The following CCDC88A variants were observed in gnomAD, a reference collection of about 807,000 sequenced individuals.
CCDC88A encodes girdin.
Under a neutral mutation model 234.3 loss-of-function variants are expected in CCDC88A, and 54 were observed. The ratio of observed to expected loss-of-function variants is 0.23; its 90% CI spans 0.19 to 0.29. The LOEUF is 0.29. Ranked by LOEUF, CCDC88A falls within the 10% of genes least tolerant of loss-of-function variation. The probability of loss-of-function intolerance (pLI) is 1.00; values close to 1 mark genes in which losing one functional copy is unlikely to be tolerated. For missense variants in CCDC88A, 1,832 were observed against 2,123.4 expected, an observed-to-expected ratio of 0.86 and a Z score of 2.70; for synonymous variants, 753 against 737.8, an observed-to-expected ratio of 1.02 and a Z score of -0.33.
chr2:55,308,222 A>C (rs1574042923), intron 25 of CCDC88A: 1 of 152,786 alleles, frequency 6.5e-6, no homozygotes, highest in Non-Finnish European at 1.5e-5. Flanking sequence ...GGGGTGTGCC[A>C]CCGTGCCCGC....
At chr2:55,302,909 G>C (rs1327630206) in intron 26 of CCDC88A, 160 bp downstream of exon 26, 4 of 559,306 alleles carry the variant, frequency 7.2e-6, no homozygotes, top group African/African-American at 5.9e-5. Flanking sequence ...CAAATTCAGT[G>C]CCACTTGAAA....
rs1482346432 is a variant in CCDC88A at position 55,295,128 on chromosome 2, G to A, written c.5551+469C>T. 5 of 1,305,654 alleles carry A rather than the reference G, an allele frequency of 3.8e-6. No individual in the cohort carries two copies. In the Admixed American group the frequency reaches 1.1e-4, roughly 30 times the overall value. 80.9% of individuals were successfully genotyped at this position (1,305,654 alleles called of 1,614,324 possible). A position where few individuals can be genotyped will look rare whatever the true frequency, so the allele number is the denominator to read the frequency against. The stretch of plus-strand genomic sequence containing the variant: ...CTCAGAAACCAACAATGCAGCTTCT[G>A]TGTCATCAGGATAGAGGCATGCAGA... On this transcript the variant is annotated intron_variant, in intron 31 of 32. Coordinates refer to ENST00000436346, the MANE Select transcript of CCDC88A (RefSeq NM_001365480.1).
intron 11 of CCDC88A, 175 bp downstream of exon 11, chr2:55,344,193 G>A (rs573460003): frequency 7.3e-6 from 3 of 409,958 alleles, no homozygotes; most frequent in Non-Finnish European, 1.3e-5. Context: ...AACAAAAGCA[G>A]AAATTTCTAC....
At position 55,335,090 on chromosome 2, in the gene CCDC88A, A is replaced by G; in HGVS notation, c.1731T>C (p.Ser577=). ...CAATGTCTTTCACTCTTGCTTCTGC[A>G]CTTATCTGGGACCGCTGCCTTAAGG... ...VSSLRQRSQI[S]AEARVKDIEK... is the part of the protein sequence containing the mutation. Residue 577 remains serine (S), a synonymous_variant, in exon 15 of 33, where the codon AGT becomes AGC. Transcript: ENST00000436346. This position sits in a 1 kb window ranked among gnomAD's most constrained non-coding sequence, Gnocchi z 4.5. 6.2e-7 allele frequency: 1 copy of G among 1,605,568 alleles called. No individual in the cohort carries two copies. Among genetic ancestry groups the G allele is most frequent in the Non-Finnish European group, 8.5e-7 (1 of 1,176,940 alleles).
In CCDC88A at chr2:55,310,887, C is replaced by G. The variant is rs187569999; in HGVS notation, c.4079+1547G>C. Reference sequence around the variant, plus strand: ...TTACTTGTTGAAATATCATTAAGAACCTCCAAAATCTCAATACTACCTGTC... The same window carrying G: ...TTACTTGTTGAAATATCATTAAGAAGCTCCAAAATCTCAATACTACCTGTC... On this transcript the variant is annotated intron_variant, in intron 23 of 32. Transcript: ENST00000436346. Among the ~76,000 whole-genome samples, 745 of 152,302 alleles carry G rather than the reference C, an allele frequency of 4.9e-3. 6 individuals are homozygous for G. The highest frequency in any genetic ancestry group is 0.017 in the African/African-American group (701 of 41,574).
In CCDC88A at chr2:55,349,337, AGAAAGTTTGGCTCT is replaced by A; in HGVS notation, c.882+167_882+180del. ...AGAGTTTGAACAGCATTAATATGGA[AGAAAGTTTGGCTCT>A]GACATTTTTGAAGAGAGAGACTCTG... On this transcript the variant is annotated intron_variant, in intron 9 of 32. Transcript: ENST00000436346. 8.7e-6 allele frequency: 5 copies of A among 576,658 alleles called. No individual in the cohort carries two copies. In the South Asian group the frequency reaches 1.2e-4, roughly 13 times the overall value. The allele number at this position is 576,658 out of a possible 1,614,324, so 35.7% of individuals were successfully genotyped here. A position where few individuals can be genotyped will look rare whatever the true frequency, so the allele number is the denominator to read the frequency against.
At chr2:55,299,180 G>C (rs770048679) in intron 29 of CCDC88A, among the ~76,000 whole-genome samples, 1 of 152,132 alleles carries the variant, frequency 6.6e-6, no homozygotes, top group Non-Finnish European at 1.5e-5. Flanking sequence ...CTCCAGCCTG[G>C]GCGACAGAGT....
intron 7 of CCDC88A, among the ~76,000 whole-genome samples, chr2:55,358,340 C>G (rs1670857707): frequency 6.6e-6 from 1 of 152,142 alleles, no homozygotes; most frequent in Non-Finnish European, 1.5e-5. Context: ...AAGTTTGACT[C>G]TATCGCTGTT....
chr2:55,344,247 G>A (rs1274960323), intron 11 of CCDC88A, 121 bp downstream of exon 11: 1 of 549,104 alleles, frequency 1.8e-6, no homozygotes, highest in Admixed American at 3.5e-5. Flanking sequence ...AATTTATTTA[G>A]CTCTCTCTTC....
chr2:55,348,748 C>T (rs2104739872), intron 9 of CCDC88A: 1 of 152,304 alleles, frequency 6.6e-6, no homozygotes, highest in Non-Finnish European at 1.5e-5. Context: ...AGAGAACCAA[C>T]ACACGTAAAA....
At chr2:55,366,564 CA>C (rs1671995655) in intron 5 of CCDC88A, among the ~76,000 whole-genome samples, 1 of 151,060 alleles carries the variant, frequency 6.6e-6, no homozygotes, top group Non-Finnish European at 1.5e-5. Flanking sequence ...CACACACACA[CA>C]CACACACACA....
At chr2:55,376,228 G>T (rs1673640516) in intron 3 of CCDC88A, among the ~76,000 whole-genome samples, 1 of 152,180 alleles carries the variant, frequency 6.6e-6, no homozygotes, top group South Asian at 2.1e-4. Context: ...GGATGGATGG[G>T]TGCCATGTGA....
At chr2:55,337,653 G>A (rs1667967702) in intron 13 of CCDC88A, 7 of 151,810 alleles carry the variant, frequency 4.6e-5, no homozygotes, top group African/African-American at 2.4e-5. Context: ...ACAGTGAAAC[G>A]ATGTCTCTAC....
intron 2 of CCDC88A, among the ~76,000 whole-genome samples, chr2:55,394,941 G>A (rs1677284932): frequency 1.3e-5 from 2 of 152,018 alleles, no homozygotes; most frequent in South Asian, 4.2e-4. Context: ...CACCTTCTGG[G>A]TTCAAGTGAT....
chr2:55,301,096 A>C, intron 28 of CCDC88A, 110 bp downstream of exon 28: 1 of 677,480 alleles, frequency 1.5e-6, no homozygotes, highest in Non-Finnish European at 2.6e-6. Context: ...GATGCAGGAT[A>C]GAGAAAACAT....
intron 17 of CCDC88A, 91 bp from the exon 18 acceptor site, chr2:55,322,783 G>T: frequency 1.8e-6 from 1 of 561,178 alleles, no homozygotes; most frequent in East Asian, 3.1e-5. Flanking sequence ...CTGATCTGGT[G>T]AATACGAAAG....
intron 8 of CCDC88A, 128 bp downstream of exon 8, chr2:55,355,451 C>A (rs866718783): frequency 5.6e-5 from 39 of 698,762 alleles, no homozygotes; most frequent in Non-Finnish European, 8.2e-5. Context: ...TGCCAACCTC[C>A]TTATTTTTCT....
intron 13 of CCDC88A, chr2:55,337,550 A>G (rs757442174): frequency 6.6e-6 from 1 of 152,236 alleles, no homozygotes; most frequent in Non-Finnish European, 1.5e-5. Context: ...ATAATGAAGC[A>G]CTCTAAAGCA....
chr2:55,325,944 A>G (rs144509251), intron 17 of CCDC88A, among the ~76,000 whole-genome samples: 4 of 152,184 alleles, frequency 2.6e-5, no homozygotes, highest in African/African-American at 9.7e-5. Context: ...CCAATCTAGC[A>G]ATTTTTTGAT....
Sources: gnomAD v4.1 joint callset for allele counts (sites outside exome capture counted in the v4.1 genomes callset) on GRCh38, gnomAD v4.1.1 for gene constraint, Gnocchi (gnomAD v3.1) non-coding constraint, MANE v1.5 for transcripts, NCBI Gene and HGNC (gene_info 2026-07-23, HGNC 2026-07-21) for gene names.